MUC7: variants seen among roughly 807,000 people sequenced by gnomAD.
The protein encoded by MUC7 is mucin-7.
MUC7 carries 2 observed loss-of-function variants against 2.5 expected under a neutral mutation model. The observed-to-expected ratio is 0.81, with a 90% CI of 0.33 to 2.55. The LOEUF (loss-of-function observed/expected upper bound fraction) is 2.55. Ranked by LOEUF, MUC7 falls within the 30% of genes most tolerant of loss-of-function variation. MUC7 has a pLI of 0.11. For synonymous variants in MUC7, 133 were observed against 173.4 expected, an observed-to-expected ratio of 0.77 and a Z score of 1.83; for missense variants, 408 against 455.6, an observed-to-expected ratio of 0.90 and a Z score of 0.95.
At chr4:70,447,284 A>C (rs990062754) in intron 1 of MUC7, among the ~76,000 whole-genome samples, 2 of 152,216 alleles carry the variant, frequency 1.3e-5, no homozygotes, top group Non-Finnish European at 2.9e-5. Context: ...AGGACTATGG[A>C]GAAGACTGTG....
intron 1 of MUC7, among the ~76,000 whole-genome samples, chr4:70,445,405 A>G (rs888000903): frequency 1.8e-4 from 28 of 152,208 alleles, no homozygotes; most frequent in Non-Finnish European, 3.5e-4. Context: ...AGTCTGCCAT[A>G]GAAGATTATG....
At chr4:70,442,168 A>G (rs17148928) in intron 1 of MUC7, among the ~76,000 whole-genome samples, 21,803 of 152,238 alleles carry the variant, frequency 0.14, 1,629 homozygotes, top group Middle Eastern at 0.22. Flanking sequence ...TTTCTATACA[A>G]CAAAAATGCT....
At chr4:70,434,685 G>C (rs769255895) in intron 1 of MUC7, among the ~76,000 whole-genome samples, 1 of 151,850 alleles carries the variant, frequency 6.6e-6, no homozygotes, top group African/African-American at 2.4e-5. Flanking sequence ...TTGATTTTTT[G>C]AAGGGCTTTT....
At chr4:70,449,786 A>C (rs1734236458) in intron 1 of MUC7, among the ~76,000 whole-genome samples, 1 of 152,132 alleles carries the variant, frequency 6.6e-6, no homozygotes, top group East Asian at 1.9e-4. Flanking sequence ...CTTCTCTTAC[A>C]TTCTCCCAAA....
At chr4:70,475,647 T>A (rs1734977044) in intron 2 of MUC7, among the ~76,000 whole-genome samples, 1 of 152,210 alleles carries the variant, frequency 6.6e-6, no homozygotes, top group African/African-American at 2.4e-5. Context: ...AATGATATAA[T>A]GTGATTACAA....
At chr4:70,437,352 C>T (rs181317341) in intron 1 of MUC7, among the ~76,000 whole-genome samples, 36 of 152,366 alleles carry the variant, frequency 2.4e-4, no homozygotes, top group Admixed American at 2.4e-3. Context: ...CTGCAGTGGG[C>T]TCCACCCAGT....
intron 2 of MUC7, 62 bp from the exon 3 acceptor site, chr4:70,480,737 T>A (rs1735138478): frequency 1.9e-6 from 3 of 1,548,240 alleles, no homozygotes; most frequent in Non-Finnish European, 2.6e-6. Context: ...TGGTCAGCAG[T>A]GATCACCTGA....
chr4:70,433,278 T>C (rs942638074), intron 1 of MUC7, among the ~76,000 whole-genome samples: 4 of 152,200 alleles, frequency 2.6e-5, no homozygotes, highest in East Asian at 3.8e-4. Flanking sequence ...AAGTCAGTGG[T>C]AGCTTGATGG....
intron 2 of MUC7, among the ~76,000 whole-genome samples, chr4:70,477,074 G>C (rs1735026408): frequency 6.6e-6 from 1 of 152,142 alleles, no homozygotes; most frequent in South Asian, 2.1e-4. Flanking sequence ...AAATAAGCTG[G>C]TAGCAAATGA....
upstream of MUC7, among the ~76,000 whole-genome samples, chr4:70,467,741 C>T (rs1484864818): frequency 6.6e-6 from 1 of 152,134 alleles, no homozygotes; most frequent in Admixed American, 6.5e-5. Flanking sequence ...AGACCAATAA[C>T]AAGTTCTGAA....
intron 1 of MUC7, among the ~76,000 whole-genome samples, chr4:70,459,742 C>G (rs968961954): frequency 8.5e-5 from 13 of 152,156 alleles, no homozygotes; most frequent in African/African-American, 3.1e-4. Flanking sequence ...TTACAATGTA[C>G]ATAGTAACAG....
At chr4:70,453,088 A>C (rs1734319078) in intron 1 of MUC7, among the ~76,000 whole-genome samples, 1 of 152,176 alleles carries the variant, frequency 6.6e-6, no homozygotes, top group Admixed American at 6.5e-5. Flanking sequence ...TATGCACAGC[A>C]CTGGATCTCA....
intron 1 of MUC7, among the ~76,000 whole-genome samples, chr4:70,464,294 C>T (rs1734626850): frequency 6.6e-6 from 1 of 152,172 alleles, no homozygotes; most frequent in African/African-American, 2.4e-5. Flanking sequence ...CACCAGGGCC[C>T]AGGGTTTCAA....
chr4:70,477,366 T>C (rs1000036887), intron 2 of MUC7, among the ~76,000 whole-genome samples: 6 of 152,132 alleles, frequency 3.9e-5, no homozygotes, highest in Non-Finnish European at 1.5e-5. Flanking sequence ...GCTGAGATCA[T>C]GCCACTGCAC....
chr4:70,481,133 C>T lies in MUC7; in HGVS notation c.389C>T (p.Thr130Ile). ...STKITTLPNV[T>I]FLPQNATTIS... is the part of the protein sequence containing the mutation. ...AAAATTACTACCCTTCCAAATGTGA[C>T]TTTTCTTCCCCAGAATGCCACCACC... Residue 130 changes from threonine to isoleucine, a missense_variant, in exon 3 of 3, where the codon ACT becomes ATT. Physicochemically the swap from Thr to Ile is moderately conservative, Grantham distance 89. This residue lies in a region of MUC7 where 225 missense variants were observed against 240.5 expected (regional missense o/e 0.94). Coordinates refer to ENST00000304887, the MANE Select transcript of MUC7 (RefSeq NM_152291.3). The T allele has an allele frequency of 1.2e-6, 2 of 1,614,206 alleles. No individual in the cohort carries two copies. The highest frequency in any genetic ancestry group is 1.7e-6 in the Non-Finnish European group (2 of 1,180,042).
chr4:70,477,615 T>C, intron 2 of MUC7, among the ~76,000 whole-genome samples: 1 of 152,108 alleles, frequency 6.6e-6, no homozygotes, highest in East Asian at 1.9e-4. Flanking sequence ...GCCTACTCTA[T>C]CCTTGTTCCT....
intron 1 of MUC7, 26 bp downstream of exon 1, chr4:70,472,317 T>C (rs1460233247): frequency 5.9e-5 from 9 of 152,202 alleles, no homozygotes; most frequent in Admixed American, 3.9e-4. Flanking sequence ...AGATAGGTTC[T>C]AATATAAACT....
intron 1 of MUC7, among the ~76,000 whole-genome samples, chr4:70,466,534 A>C (rs1296015462): frequency 6.6e-6 from 1 of 152,194 alleles, no homozygotes; most frequent in Non-Finnish European, 1.5e-5. Flanking sequence ...GCAAAGACAC[A>C]CATAGGCTCA....
intron 1 of MUC7, among the ~76,000 whole-genome samples, chr4:70,442,931 T>C (rs576198211): frequency 2.6e-5 from 4 of 152,236 alleles, no homozygotes; most frequent in East Asian, 1.9e-4. Flanking sequence ...AGTCAAAAGA[T>C]CCATGGTCTC....
Sources: gnomAD v4.1 joint callset for allele counts (sites outside exome capture counted in the v4.1 genomes callset) on GRCh38, gnomAD v4.1.1 for gene constraint, gnomAD v4.1.1 regional missense constraint, MANE v1.5 for transcripts, NCBI Gene and HGNC (gene_info 2026-07-23, HGNC 2026-07-21) for gene names.